ZMYM2: variants seen among roughly 807,000 people sequenced by gnomAD.
ZMYM2 encodes zinc finger MYM-type protein 2.
Under a neutral mutation model 162.8 loss-of-function variants are expected in ZMYM2, and 56 were observed. The observed-to-expected ratio is 0.34, with a 90% CI of 0.28 to 0.43. ZMYM2 has a LOEUF of 0.43. Among genes scored for constraint, ZMYM2 ranks in the 20% least tolerant of loss-of-function variants. ZMYM2 has a pLI of 1.00. For missense variants in ZMYM2, 1,275 were observed against 1,621.8 expected (o/e 0.79, Z 3.67); for synonymous variants, 510 against 541.6 (o/e 0.94, Z 0.81).
chr13:19,867,059 G>A, the ZMYM2 span, among the ~76,000 whole-genome samples: 1 of 152,060 alleles, frequency 6.6e-6, no homozygotes, highest in African/African-American at 2.4e-5. Flanking sequence ...TTCTTTGAAA[G>A]TGGCTTAGTA....
At chr13:19,931,492 A>G in the ZMYM2 span, among the ~76,000 whole-genome samples, 7 of 151,926 alleles carry the variant, frequency 4.6e-5, no homozygotes, top group Non-Finnish European at 8.8e-5. Flanking sequence ...CCCTCTCCCA[A>G]CCCCTGGCAA....
At chr13:19,935,746 A>G in the ZMYM2 span, among the ~76,000 whole-genome samples, 3 of 152,110 alleles carry the variant, frequency 2.0e-5, no homozygotes, top group Non-Finnish European at 4.4e-5. Context: ...CCTAGGTTCA[A>G]ACAGTTCTCC....
chr13:19,883,493 A>C, the ZMYM2 span, among the ~76,000 whole-genome samples: 2 of 152,150 alleles, frequency 1.3e-5, no homozygotes. Context: ...GTGTAAAATA[A>C]AAGGCTGAGC....
chr13:19,922,696 T>C, the ZMYM2 span, among the ~76,000 whole-genome samples: 5 of 151,618 alleles, frequency 3.3e-5, no homozygotes, highest in African/African-American at 1.2e-4. Flanking sequence ...TACAAAAAAT[T>C]AGCCAGGCGT....
intron 6 of ZMYM2, among the ~76,000 whole-genome samples, chr13:20,013,493 A>G (rs1297593232): frequency 6.6e-6 from 1 of 152,218 alleles, no homozygotes; most frequent in African/African-American, 2.4e-5. Context: ...ATGTGGTGAA[A>G]GTGGGCGTCC....
chr13:20,067,328 C>T lies in ZMYM2; in HGVS notation c.3391C>T (p.Arg1131Trp). The T allele has an allele frequency of 6.2e-7, 1 of 1,609,700 alleles. No homozygotes were observed. The highest frequency in any genetic ancestry group is 8.5e-7 in the Non-Finnish European group (1 of 1,177,852). ...AGCTCATTTTGTCAATGAGATCCGACGGCCAAATGGAGAGAATTATGCACC... is the reference window on the plus strand; with the variant it reads ...AGCTCATTTTGTCAATGAGATCCGATGGCCAAATGGAGAGAATTATGCACC... ...GLAHFVNEIR[R>W]PNGENYAPDS... is the part of the protein sequence containing the mutation. Residue 1131 changes from arginine to tryptophan, a missense_variant, in exon 21 of 25, where the codon CGG (arginine) becomes TGG (tryptophan). By Grantham distance (101) the Arg-to-Trp change is moderately radical. Around this residue, in one of 10 missense-constraint regions of ZMYM2, gnomAD observed 229 missense variants for 283.8 expected, o/e 0.81. Coordinates refer to ENST00000610343, the MANE Select transcript of ZMYM2 (RefSeq NM_197968.4).
the ZMYM2 span, among the ~76,000 whole-genome samples, chr13:19,938,723 C>CA: frequency 2.8e-5 from 4 of 144,622 alleles, no homozygotes; most frequent in East Asian, 2.0e-4. Context: ...CAAAATAGAC[C>CA]TTTTTTTTTT....
the ZMYM2 span, among the ~76,000 whole-genome samples, chr13:19,883,881 C>T: frequency 3.3e-5 from 5 of 152,176 alleles, no homozygotes; most frequent in East Asian, 7.7e-4. Flanking sequence ...CTCCGCCTCC[C>T]GCGTAGCTGG....
At chr13:19,998,705 G>T (rs1950188691) in intron 3 of ZMYM2, among the ~76,000 whole-genome samples, 1 of 152,010 alleles carries the variant, frequency 6.6e-6, no homozygotes, top group African/African-American at 2.4e-5. Context: ...CCAACTAAGG[G>T]GTATGAATAC....
At chr13:20,005,318 C>CT in intron 5 of ZMYM2, 79 bp downstream of exon 5, 11 of 1,083,406 alleles carry the variant, frequency 1.0e-5, no homozygotes, top group Non-Finnish European at 1.4e-5. Context: ...ATTAGATAAT[C>CT]TTTTATCAGT....
intron 21 of ZMYM2, among the ~76,000 whole-genome samples, chr13:20,075,870 C>G (rs535074447): frequency 4.0e-5 from 6 of 151,498 alleles, no homozygotes; most frequent in Admixed American, 1.3e-4. Context: ...TTTTTCCCCC[C>G]CATCCCGTAG....
the ZMYM2 span, among the ~76,000 whole-genome samples, chr13:19,889,359 C>T: frequency 6.6e-6 from 1 of 151,944 alleles, no homozygotes; most frequent in South Asian, 2.1e-4. Context: ...GTTCTTGTCG[C>T]CCAGGCTGGA....
chr13:20,010,348 A>G (rs765827487), intron 6 of ZMYM2, among the ~76,000 whole-genome samples: 8 of 152,064 alleles, frequency 5.3e-5, no homozygotes, highest in Non-Finnish European at 8.8e-5. Context: ...GGCACGGGCC[A>G]CTACGCCTGT....
chr13:19,951,595 A>G, the ZMYM2 span, among the ~76,000 whole-genome samples: 1 of 151,562 alleles, frequency 6.6e-6, no homozygotes, highest in Admixed American at 6.6e-5. Flanking sequence ...CCAGCTACTC[A>G]AGAGATTGAG....
At chr13:19,931,569 A>G in the ZMYM2 span, among the ~76,000 whole-genome samples, 2 of 152,164 alleles carry the variant, frequency 1.3e-5, no homozygotes, top group African/African-American at 4.8e-5. Context: ...GGAATCATAC[A>G]GTATATTTCT....
the ZMYM2 span, chr13:19,864,795 C>T: frequency 0.077 from 11,810 of 152,390 alleles, 481 homozygotes; most frequent in Middle Eastern, 0.12. Context: ...ACAGATGGCG[C>T]CCGGTGAGGG....
chr13:19,961,896 A>G (rs1955256535), intron 2 of ZMYM2, among the ~76,000 whole-genome samples: 2 of 152,242 alleles, frequency 1.3e-5, no homozygotes, highest in African/African-American at 4.8e-5. Flanking sequence ...TACAGTAGGA[A>G]CATATGTAAA....
chr13:19,937,164 T>C, the ZMYM2 span, among the ~76,000 whole-genome samples: 5 of 152,036 alleles, frequency 3.3e-5, no homozygotes, highest in Admixed American at 2.6e-4. Context: ...TTTTTTTTTT[T>C]CTTAAGATAG....
the ZMYM2 span, among the ~76,000 whole-genome samples, chr13:19,885,872 TGTATATACACATATATATGTGTATACAC>T: frequency 3.6e-4 from 37 of 103,104 alleles, 13 homozygotes; most frequent in Admixed American, 2.0e-3. Context: ...AATATATATA[TGTATATACACATATATATGTGTATACAC>T]ATATATATGT....
Sources: gnomAD v4.1 joint callset for allele counts (sites outside exome capture counted in the v4.1 genomes callset) on GRCh38, gnomAD v4.1.1 for gene constraint, gnomAD v4.1.1 regional missense constraint, MANE v1.5 for transcripts, NCBI Gene and HGNC (gene_info 2026-07-23, HGNC 2026-07-21) for gene names.